The following EPHA6 variants were observed in gnomAD, a reference collection of about 807,000 sequenced individuals.
The protein encoded by EPHA6 is EPH receptor A6, also known as ephrin type-A receptor 6.
A neutral mutation model predicts 112.0 loss-of-function variants in EPHA6; 50 were observed. The observed-to-expected ratio is 0.45, with a 90% confidence interval of 0.36 to 0.56. The LOEUF is 0.56. Among genes scored for constraint, EPHA6 ranks in the 20% least tolerant of loss-of-function variants. The probability of loss-of-function intolerance (pLI) is 0.00; values close to 1 mark genes in which losing one functional copy is unlikely to be tolerated. For synonymous variants in EPHA6, 529 were observed against 490.7 expected (o/e 1.08, Z -1.03); for missense variants, 1,280 against 1,417.4 (o/e 0.90, Z 1.56).
intron 2 of EPHA6, among the ~76,000 whole-genome samples, chr3:96,867,658 C>CT (rs1213304472): frequency 6.6e-6 from 1 of 151,686 alleles, no homozygotes; most frequent in East Asian, 1.9e-4. Flanking sequence ...GTTAGCTTTC[C>CT]TTTTTTTCCT....
intron 3 of EPHA6, among the ~76,000 whole-genome samples, chr3:97,057,283 A>C (rs1346997146): frequency 6.6e-6 from 1 of 152,158 alleles, no homozygotes; most frequent in Admixed American, 6.5e-5. Context: ...CAAATGGAGG[A>C]GATATTAGGA....
intron 14 of EPHA6, among the ~76,000 whole-genome samples, chr3:97,709,826 C>T (rs180857215): frequency 1.4e-4 from 22 of 152,260 alleles, no homozygotes; most frequent in Middle Eastern, 6.8e-3. Context: ...CAGATGCTCC[C>T]TCACTCTTAC....
intron 14 of EPHA6, among the ~76,000 whole-genome samples, chr3:97,640,241 G>A (rs1234328754): frequency 6.6e-6 from 1 of 152,152 alleles, no homozygotes; most frequent in East Asian, 1.9e-4. Context: ...TGGAGGAAAG[G>A]TAGTCCAGAT....
chr3:96,913,459 C>G (rs919917622), intron 2 of EPHA6, among the ~76,000 whole-genome samples: 2 of 151,986 alleles, frequency 1.3e-5, no homozygotes, highest in African/African-American at 4.8e-5. Context: ...AATGCTGCTT[C>G]ATCTTACTTT....
chr3:97,328,842 T>C (rs1372013745), intron 5 of EPHA6, among the ~76,000 whole-genome samples: 1 of 152,130 alleles, frequency 6.6e-6, no homozygotes, highest in East Asian at 1.9e-4. Flanking sequence ...GTACTTTAAG[T>C]TCTAGGGTAC....
At chr3:97,546,397 C>T (rs1429532445) in intron 11 of EPHA6, among the ~76,000 whole-genome samples, 1 of 152,218 alleles carries the variant, frequency 6.6e-6, no homozygotes, top group African/African-American at 2.4e-5. Context: ...TTGGTCCCCA[C>T]TCTCTTCTGG....
chr3:96,972,437 A>T (rs949871544), intron 2 of EPHA6, among the ~76,000 whole-genome samples: 9 of 146,830 alleles, frequency 6.1e-5, no homozygotes, highest in African/African-American at 9.9e-5. Context: ...ACACACACAC[A>T]CACACACACA....
At chr3:97,578,229 G>A (rs1486657436) in intron 11 of EPHA6, among the ~76,000 whole-genome samples, 3 of 151,956 alleles carry the variant, frequency 2.0e-5, no homozygotes, top group Non-Finnish European at 4.4e-5. Context: ...ACATCCAGAG[G>A]TAAGCAATCA....
At chr3:97,396,111 G>T (rs2086678342) in intron 5 of EPHA6, among the ~76,000 whole-genome samples, 1 of 151,518 alleles carries the variant, frequency 6.6e-6, no homozygotes, top group Admixed American at 6.6e-5. Context: ...TTTCCGGATT[G>T]CTGGAAAAAA....
At chr3:97,527,579 A>G (rs1044323160) in intron 10 of EPHA6, among the ~76,000 whole-genome samples, 13 of 152,124 alleles carry the variant, frequency 8.5e-5, no homozygotes, top group African/African-American at 2.9e-4. Context: ...CACAGACCCT[A>G]TATTGGACAG....
At chr3:97,399,178 G>A (rs1223836107) in intron 5 of EPHA6, among the ~76,000 whole-genome samples, 1 of 151,492 alleles carries the variant, frequency 6.6e-6, no homozygotes, top group East Asian at 1.9e-4. Flanking sequence ...TTTCACAGAT[G>A]AGTGAGAACA....
rs372907476 is a variant in EPHA6, at chr3:97,475,401, C to T, written c.1944C>T (p.Ala648=). 1.7e-5 allele frequency: 28 copies of T among 1,612,220 alleles called. No homozygotes were observed. The African/African-American group carries it at 2.4e-4, about 14-fold the overall frequency. ...EQGQILVIAT[A]AVGGFTLLVI... is the part of the protein sequence containing the mutation. ...GACAGATTCTCGTGATAGCCACCGCCGCTGTTGGCGGATTCACTCTCCTCG... is the reference window on the plus strand; with the variant it reads ...GACAGATTCTCGTGATAGCCACCGCTGCTGTTGGCGGATTCACTCTCCTCG... The change falls in exon 8 of 18, where the codon GCC becomes GCT. Residue 648 remains alanine (A), a synonymous_variant. Coordinates refer to ENST00000389672, the MANE Select transcript of EPHA6 (RefSeq NM_001080448.3).
intron 14 of EPHA6, among the ~76,000 whole-genome samples, chr3:97,653,627 A>G (rs1308864818): frequency 1.3e-5 from 2 of 152,014 alleles, no homozygotes; most frequent in African/African-American, 4.8e-5. Context: ...TAGAATTACC[A>G]TATGATTCAG....
intron 2 of EPHA6, among the ~76,000 whole-genome samples, chr3:96,907,197 TTTAC>T (rs1195124278): frequency 6.6e-6 from 1 of 151,932 alleles, no homozygotes; most frequent in African/African-American, 2.4e-5. Context: ...TCTTGAAGAT[TTTAC>T]TTAAACACAA....
chr3:97,591,218 T>C (rs578033432), intron 11 of EPHA6, among the ~76,000 whole-genome samples: 1 of 152,310 alleles, frequency 6.6e-6, no homozygotes, highest in East Asian at 1.9e-4. Context: ...AAAATACACA[T>C]TGTAACTTTG....
At chr3:96,967,479 C>T (rs1170235604) in intron 2 of EPHA6, among the ~76,000 whole-genome samples, 1 of 151,442 alleles carries the variant, frequency 6.6e-6, no homozygotes, top group African/African-American at 2.4e-5. Flanking sequence ...ATTTTTCAAA[C>T]TTTATTATCT....
chr3:97,250,114 A>G (rs567204584), intron 5 of EPHA6, among the ~76,000 whole-genome samples: 18 of 152,204 alleles, frequency 1.2e-4, no homozygotes, highest in Non-Finnish European at 2.6e-4. Flanking sequence ...TATTACAGGC[A>G]ATGGATATAA....
Position 97,225,016 on chromosome 3 carries a change from C to T in EPHA6, c.1115-1248C>T, listed in dbSNP as rs1478554364. On this transcript the variant is annotated intron_variant, in intron 3 of 17. Coordinates refer to ENST00000389672, the MANE Select transcript of EPHA6 (RefSeq NM_001080448.3). ...TGTCGCCCAGGCTGGAGTGCAGTGC[C>T]GCGATCTCCGCTCACTGCAAGCTCC... is the stretch of plus-strand genomic sequence containing the variant. Among the ~76,000 whole-genome samples the T allele has an allele frequency of 9.9e-5, 15 of 152,004 alleles. 1 individual carries two copies. The South Asian group carries it at 1.5e-3, about 15-fold the overall frequency.
At position 97,490,900 on chromosome 3, in the gene EPHA6, A is replaced by T. The variant is rs147271001; in HGVS notation, c.2200+6841A>T. Among the ~76,000 whole-genome samples, 150 of 152,224 alleles carry T rather than the reference A, an allele frequency of 9.9e-4. 1 individual carries two copies. Among genetic ancestry groups the T allele is most frequent in the African/African-American group, 3.3e-3 (137 of 41,542 alleles). ...CAGCTGGGCAAGGATCCACATCCAA[A>T]CTTATTTATATAGCTGCTGTCAGGA... is the stretch of plus-strand genomic sequence containing the variant. On this transcript the variant is annotated intron_variant, in intron 10 of 17. Coordinates refer to ENST00000389672, the MANE Select transcript of EPHA6 (RefSeq NM_001080448.3).
Sources: allele counts gnomAD v4.1 joint callset (sites outside exome capture counted in the v4.1 genomes callset), GRCh38; gene constraint gnomAD v4.1.1; transcripts MANE v1.5; gene names NCBI Gene and HGNC (gene_info 2026-07-23, HGNC 2026-07-21).